The following AGBL4 variants were observed in gnomAD, a reference collection of about 807,000 sequenced individuals.
The protein encoded by AGBL4 is cytosolic carboxypeptidase 6.
Under a neutral mutation model 66.4 loss-of-function variants are expected in AGBL4, and 58 were observed. That is an observed-to-expected ratio of 0.87 (90% CI 0.71 to 1.09). AGBL4 has a LOEUF of 1.09. Ranked by LOEUF, AGBL4 falls within the 50% of genes least tolerant of loss-of-function variation. AGBL4 has a pLI of 0.00. For synonymous variants in AGBL4, 234 were observed against 222.9 expected, an observed-to-expected ratio of 1.05 and a Z score of -0.44; for missense variants, 579 against 631.0, an observed-to-expected ratio of 0.92 and a Z score of 0.88.
intron 2 of AGBL4, among the ~76,000 whole-genome samples, chr1:49,738,787 G>A (rs1359366606): frequency 6.6e-6 from 1 of 152,170 alleles, no homozygotes; most frequent in African/African-American, 2.4e-5. Context: ...TCATACCCAG[G>A]CAAACAGGGT....
chr1:48,732,858 G>A (rs1648367887), intron 6 of AGBL4, among the ~76,000 whole-genome samples: 1 of 152,192 alleles, frequency 6.6e-6, no homozygotes, highest in African/African-American at 2.4e-5. Context: ...GCTGGACACA[G>A]AGGAGAGGGC....
intron 11 of AGBL4, among the ~76,000 whole-genome samples, chr1:48,573,458 G>A (rs948537394): frequency 5.3e-5 from 8 of 152,186 alleles, no homozygotes; most frequent in African/African-American, 1.9e-4. Context: ...AATATATGCT[G>A]TTTCTAGCAG....
At chr1:48,835,188 T>C (rs1054811822) in intron 6 of AGBL4, among the ~76,000 whole-genome samples, 5 of 152,098 alleles carry the variant, frequency 3.3e-5, no homozygotes, top group African/African-American at 9.7e-5. Flanking sequence ...CCCTACTCAG[T>C]GAGGTTTGAG....
At chr1:49,988,447 C>A (rs879668413) in intron 1 of AGBL4, among the ~76,000 whole-genome samples, 2 of 152,064 alleles carry the variant, frequency 1.3e-5, no homozygotes, top group Non-Finnish European at 2.9e-5. Context: ...TGCAGAGCTG[C>A]AATAGAGAGT....
intron 2 of AGBL4, chr1:49,845,896 C>G: frequency 7.1e-7 from 1 of 1,414,486 alleles, no homozygotes; most frequent in Non-Finnish European, 1.0e-6. Context: ...ACCAGCAAAT[C>G]CACACAGGGC....
chr1:49,977,108 A>C lies in AGBL4; in HGVS notation c.34+46655T>G, dbSNP rs191151983. ...CAACTCTCTTCACTGTCAGATGAAGATATTATTTTCCTTATTCTTCCCTCT... is the reference window on the plus strand; with the variant it reads ...CAACTCTCTTCACTGTCAGATGAAGCTATTATTTTCCTTATTCTTCCCTCT... On this transcript the variant is annotated intron_variant, in intron 1 of 13. Transcript: ENST00000371839. 2.0e-5 allele frequency among the ~76,000 whole-genome samples: 3 copies of C among 152,280 alleles called. No individual in the cohort carries two copies. The East Asian group carries it at 5.8e-4, about 29-fold the overall frequency.
chr1:49,068,575 G>T (rs1227641186), intron 4 of AGBL4, among the ~76,000 whole-genome samples: 1 of 152,098 alleles, frequency 6.6e-6, no homozygotes, highest in Non-Finnish European at 1.5e-5. Context: ...GTTTTTTATG[G>T]CTGCATAGTA....
chr1:49,056,676 G>A (rs1277317857), intron 4 of AGBL4, among the ~76,000 whole-genome samples: 1 of 152,056 alleles, frequency 6.6e-6, no homozygotes, highest in Non-Finnish European at 1.5e-5. Context: ...GTTTTATCTG[G>A]GGATTGGGAG....
chr1:49,074,949 A>C lies in AGBL4; in HGVS notation c.378-29149T>G, dbSNP rs373219900. On this transcript the variant is annotated intron_variant, in intron 4 of 13. Transcript: ENST00000371839. ...TCCTAAACTCCATGTATACGCACCA[A>C]GACAAAATATTAGGCCAATATATCC... 2.6e-5 allele frequency among the ~76,000 whole-genome samples: 4 copies of C among 152,292 alleles called. No homozygotes were observed. The East Asian group carries it at 7.7e-4, about 29-fold the overall frequency.
intron 11 of AGBL4, among the ~76,000 whole-genome samples, chr1:48,556,445 T>C (rs967448514): frequency 1.3e-5 from 2 of 152,186 alleles, no homozygotes; most frequent in African/African-American, 4.8e-5. Flanking sequence ...TTTTAGTAAC[T>C]ATAAGAACAA....
At chr1:49,658,195 A>T (rs1646188335) in intron 3 of AGBL4, among the ~76,000 whole-genome samples, 1 of 152,218 alleles carries the variant, frequency 6.6e-6, no homozygotes, top group Non-Finnish European at 1.5e-5. Context: ...AAAGTGGGTG[A>T]AGGATATGAA....
At position 49,950,048 on chromosome 1, in the gene AGBL4, A is replaced by ATG. The variant is rs1655968068; in HGVS notation, c.34+73713_34+73714dup. ...TGTGTGTGTGTATATATATACACAT[A>ATG]TGTGTATATATACACACATATATAT... is the stretch of plus-strand genomic sequence containing the variant. On this transcript the variant is annotated intron_variant, in intron 1 of 13. Transcript: ENST00000371839. 2.1e-5 allele frequency among the ~76,000 whole-genome samples: 3 copies of ATG among 141,180 alleles called. No individual in the cohort carries two copies. In the East Asian group the frequency reaches 6.3e-4, roughly 29 times the overall value. 92.6% of individuals were successfully genotyped at this position (141,180 alleles called of 152,430 possible).
chr1:48,671,699 C>A (rs1453324988), intron 6 of AGBL4, among the ~76,000 whole-genome samples: 10 of 152,216 alleles, frequency 6.6e-5, no homozygotes, highest in Admixed American at 6.5e-4. Context: ...GGTCCAAATG[C>A]CTGACCTTAC....
intron 1 of AGBL4, among the ~76,000 whole-genome samples, chr1:49,874,965 T>C (rs1646944451): frequency 9.8e-6 from 1 of 101,746 alleles, no homozygotes; most frequent in Admixed American, 1.1e-4. Flanking sequence ...CCCAATGCTA[T>C]CCCTCCCCCC....
chr1:48,846,421 G>GAA (rs796582660), intron 6 of AGBL4, among the ~76,000 whole-genome samples: 1 of 144,602 alleles, frequency 6.9e-6, no homozygotes, highest in Non-Finnish European at 1.5e-5. Context: ...AAGAAAGAAA[G>GAA]AAATTCATTT....
chr1:48,719,162 G>GC (rs926723650), intron 6 of AGBL4, among the ~76,000 whole-genome samples: 29 of 152,086 alleles, frequency 1.9e-4, no homozygotes, highest in Non-Finnish European at 3.8e-4. Flanking sequence ...CCTGAAATGC[G>GC]CCCCCTTCCC....
At chr1:49,002,392 C>A (rs373895767) in intron 5 of AGBL4, among the ~76,000 whole-genome samples, 1 of 152,172 alleles carries the variant, frequency 6.6e-6, no homozygotes, top group Non-Finnish European at 1.5e-5. Flanking sequence ...GTTCACCAGG[C>A]TGTGATGATG....
intron 6 of AGBL4, among the ~76,000 whole-genome samples, chr1:48,812,816 T>C (rs1184664865): frequency 1.3e-5 from 2 of 152,074 alleles, no homozygotes; most frequent in Admixed American, 6.5e-5. Flanking sequence ...TGTAGGGACA[T>C]GGATGAAGCT....
chr1:49,683,063 G>A (rs1168596765), intron 3 of AGBL4, among the ~76,000 whole-genome samples: 3 of 152,212 alleles, frequency 2.0e-5, no homozygotes, highest in South Asian at 2.1e-4. Flanking sequence ...ACTGGCCATC[G>A]TCTTTACTGC....
Sources: gnomAD v4.1 joint callset for allele counts (sites outside exome capture counted in the v4.1 genomes callset) on GRCh38, gnomAD v4.1.1 for gene constraint, MANE v1.5 for transcripts, NCBI Gene and HGNC (gene_info 2026-07-23, HGNC 2026-07-21) for gene names.